DOCK8: variants seen among roughly 807,000 people sequenced by gnomAD.
DOCK8 encodes dedicator of cytokinesis protein 8.
Under a neutral mutation model 245.6 loss-of-function variants are expected in DOCK8, and 141 were observed. The observed-to-expected ratio is 0.57, with a 90% CI of 0.50 to 0.66. DOCK8 has a LOEUF of 0.66. Among genes scored for constraint, DOCK8 ranks in the 30% least tolerant of loss-of-function variants. The pLI is 0.00. For missense variants in DOCK8, 2,965 were observed against 2,603.4 expected, an observed-to-expected ratio of 1.14 and a Z score of -3.02; for synonymous variants, 1,168 against 970.2, an observed-to-expected ratio of 1.20 and a Z score of -3.79.
At chr9:309,392 A>T (rs1180344212) in intron 5 of DOCK8, among the ~76,000 whole-genome samples, 1 of 152,190 alleles carries the variant, frequency 6.6e-6, no homozygotes, top group Non-Finnish European at 1.5e-5. Context: ...AATGTGTAGT[A>T]TGGAGAAATT....
At chr9:216,900 T>C (rs574766097) in intron 1 of DOCK8, among the ~76,000 whole-genome samples, 21 of 152,264 alleles carry the variant, frequency 1.4e-4, no homozygotes. Context: ...CCCTGGTTAG[T>C]GTCTGATCTG....
At chr9:220,717 C>CTTTTTT (rs3046368) in intron 1 of DOCK8, 37 of 360,480 alleles carry the variant, frequency 1.0e-4, no homozygotes, top group South Asian at 2.3e-4. Context: ...TAATTTCTTT[C>CTTTTTT]TTTTTTTTTT....
intron 1 of DOCK8, among the ~76,000 whole-genome samples, chr9:247,941 G>A (rs1587658116): frequency 6.7e-6 from 1 of 149,108 alleles, no homozygotes; most frequent in South Asian, 2.1e-4. Flanking sequence ...TTGCCCCAAT[G>A]TATATTGTAT....
At chr9:318,381 G>T (rs997401579) in intron 7 of DOCK8, among the ~76,000 whole-genome samples, 1 of 152,160 alleles carries the variant, frequency 6.6e-6, no homozygotes, top group African/African-American at 2.4e-5. Flanking sequence ...TGTAAGGCTG[G>T]GTTTCAACCC....
Position 432,313 on chromosome 9 carries a change from T to C in DOCK8, c.4774T>C (p.Phe1592Leu), listed in dbSNP as rs200152962. ...EEDTAMQMTP[F>L]PTQVEELLCN... ...GGACACAGCCATGCAGATGACTCCT[T>C]TTCCCACCCAGGTACACCGAAGCAC... is the stretch of plus-strand genomic sequence containing the variant. The change falls in exon 37 of 48, where the codon TTT becomes CTT. Residue 1592 changes from phenylalanine (F) to leucine (L), a missense_variant. By Grantham distance (22) the Phe-to-Leu change is conservative. This residue lies in a region of DOCK8 where 2,825 missense variants were observed against 2,453.5 expected (regional missense o/e 1.15). Transcript: ENST00000432829. 241 of 1,613,974 alleles carry C rather than the reference T, an allele frequency of 1.5e-4. 1 individual carries two copies. Among genetic ancestry groups the C allele is most frequent in the Non-Finnish European group, 1.9e-4 (225 of 1,180,018 alleles).
chr9:237,147 G>T lies in DOCK8; in HGVS notation c.53+22118G>T, dbSNP rs2047271177. The stretch of plus-strand genomic sequence containing the variant: ...ATTACCAAAATGTTCCATAAACAAT[G>T]TAGACCTACTGTGGTTTGCTGTTGT... On this transcript the variant is annotated intron_variant, in intron 1 of 47. Coordinates refer to ENST00000432829, the MANE Select transcript of DOCK8 (RefSeq NM_203447.4). 4.6e-5 allele frequency among the ~76,000 whole-genome samples: 7 copies of T among 152,226 alleles called. No homozygotes were observed. In the South Asian group the frequency reaches 1.4e-3, roughly 32 times the overall value.
chr9:222,096 C>T (rs1046068786), intron 1 of DOCK8, among the ~76,000 whole-genome samples: 2 of 151,736 alleles, frequency 1.3e-5, no homozygotes, highest in African/African-American at 4.8e-5. Flanking sequence ...ACCAGCTCTA[C>T]AAAAAGCAAA....
At chr9:279,479 A>G (rs950761785) in intron 2 of DOCK8, among the ~76,000 whole-genome samples, 9 of 152,214 alleles carry the variant, frequency 5.9e-5, no homozygotes, top group Non-Finnish European at 1.2e-4. Flanking sequence ...AGCAGGAGGA[A>G]AACCTAGTAA....
rs10491684 is a variant in DOCK8 at position 449,798 on chromosome 9, G to A, written c.5832G>A (p.Pro1944=). The change falls in exon 45 of 48, where the codon CCG becomes CCA. Residue 1944 remains proline, a synonymous_variant. Coordinates refer to ENST00000432829, the MANE Select transcript of DOCK8 (RefSeq NM_203447.4). The stretch of plus-strand genomic sequence containing the variant: ...CTCATGTTCAGTTTGTTTTGACACC[G>A]ATTGAAGTTGCCATTGAAGACATGA... ...VIQKEEFVLT[P]IEVAIEDMKK... is the part of the protein sequence containing the mutation. 115,751 of 1,612,724 alleles carry A rather than the reference G, an allele frequency of 0.072. 4,631 individuals are homozygous for A. The highest frequency in any genetic ancestry group is 0.15 in the African/African-American group (11,205 of 74,906).
chr9:364,046 T>C (rs1390401195), intron 14 of DOCK8, among the ~76,000 whole-genome samples: 1 of 152,170 alleles, frequency 6.6e-6, no homozygotes, highest in Non-Finnish European at 1.5e-5. Context: ...AATTCAAAGA[T>C]GATGAAGCTG....
intron 10 of DOCK8, among the ~76,000 whole-genome samples, chr9:332,957 CTGA>C (rs1158479388): frequency 6.6e-6 from 1 of 152,096 alleles, no homozygotes; most frequent in Non-Finnish European, 1.5e-5. Flanking sequence ...CATGCCCAGC[CTGA>C]TGATGATTTT....
intron 46 of DOCK8, among the ~76,000 whole-genome samples, chr9:457,772 T>G (rs904782785): frequency 8.5e-5 from 13 of 152,340 alleles, no homozygotes; most frequent in Admixed American, 2.6e-4. Context: ...TTAGCCTGGG[T>G]CTGTCAGGCA....
At position 298,369 on chromosome 9, in the gene DOCK8, G is replaced by C. The variant is rs139633333; in HGVS notation, c.405-6212G>C. Among the ~76,000 whole-genome samples the C allele has an allele frequency of 9.1e-4, 138 of 152,318 alleles. 6 individuals carry two copies. The East Asian group carries it at 0.022, about 24-fold the overall frequency. On this transcript the variant is annotated intron_variant, in intron 4 of 47. Coordinates refer to ENST00000432829, the MANE Select transcript of DOCK8 (RefSeq NM_203447.4). ...CAACTCGGGAGGCGGAGGTTGCAGT[G>C]AGCCAAGATCATGCCGCTGTACTCC...
chr9:251,203 C>T (rs1478662100), intron 1 of DOCK8, among the ~76,000 whole-genome samples: 1 of 152,176 alleles, frequency 6.6e-6, no homozygotes, highest in African/African-American at 2.4e-5. Flanking sequence ...TTTTGGACTT[C>T]ACAGGGCTTC....
intron 26 of DOCK8, among the ~76,000 whole-genome samples, chr9:403,928 AT>A (rs2055261151): frequency 1.3e-5 from 1 of 74,078 alleles, no homozygotes; most frequent in African/African-American, 8.4e-5. Flanking sequence ...ATATATATAT[AT>A]GTGTATATAT....
intron 36 of DOCK8, among the ~76,000 whole-genome samples, chr9:431,494 C>G (rs2056710815): frequency 6.6e-6 from 1 of 152,080 alleles, no homozygotes; most frequent in South Asian, 2.1e-4. Context: ...CTCAGAAATG[C>G]TGGCCACAGA....
upstream of DOCK8, among the ~76,000 whole-genome samples, chr9:212,489 G>T (rs146252088): frequency 6.6e-6 from 1 of 152,334 alleles, no homozygotes; most frequent in East Asian, 1.9e-4. Flanking sequence ...AACGAAAGAG[G>T]CAGTGAGAAT....
intron 33 of DOCK8, among the ~76,000 whole-genome samples, 179 bp from the exon 34 acceptor site, chr9:426,706 C>T (rs557512784): frequency 3.3e-5 from 5 of 152,270 alleles, no homozygotes; most frequent in East Asian, 3.9e-4. Flanking sequence ...ACAGTTGTTT[C>T]GACAAGACAT....
At chr9:257,806 C>T (rs754042230) in intron 1 of DOCK8, among the ~76,000 whole-genome samples, 6 of 152,182 alleles carry the variant, frequency 3.9e-5, no homozygotes, top group Non-Finnish European at 5.9e-5. Flanking sequence ...CGTGAGCCAC[C>T]GCGCCCAGCC....
Sources: gnomAD v4.1 joint callset for allele counts (sites outside exome capture counted in the v4.1 genomes callset) on GRCh38, gnomAD v4.1.1 for gene constraint, gnomAD v4.1.1 regional missense constraint, MANE v1.5 for transcripts, NCBI Gene and HGNC (gene_info 2026-07-23, HGNC 2026-07-21) for gene names.